The following TM9SF3 variants were observed in gnomAD, a reference collection of about 807,000 sequenced individuals.
The protein encoded by TM9SF3 is SM-11044-binding protein.
Under a neutral mutation model 78.6 loss-of-function variants are expected in TM9SF3, and 14 were observed. That is an observed-to-expected ratio of 0.18 (90% CI 0.12 to 0.28). TM9SF3 has a LOEUF of 0.28. Ranked by LOEUF, TM9SF3 falls within the 10% of genes least tolerant of loss-of-function variation. TM9SF3 has a pLI of 1.00. For missense variants in TM9SF3, 496 were observed against 721.9 expected (o/e 0.69, Z 3.59); for synonymous variants, 231 against 241.7 (o/e 0.96, Z 0.41).
chr10:96,586,997 G>T lies in TM9SF3; in HGVS notation c.-162C>A. On this transcript the variant is annotated 5_prime_UTR_variant, in exon 1 of 15. Transcript: ENST00000371142. ...TGCCTCCTCTGCCGCCGCCGTCGCC[G>T]TCACCGCCCGCTCCTGAGCCTCCCC... 1 of 396,284 alleles carries T rather than the reference G, an allele frequency of 2.5e-6. No homozygotes were observed. Among genetic ancestry groups the T allele is most frequent in the Non-Finnish European group, 3.8e-6 (1 of 262,888 alleles). 24.5% of individuals were successfully genotyped at this position (396,284 alleles called of 1,614,324 possible).
intron 7 of TM9SF3, among the ~76,000 whole-genome samples, chr10:96,550,595 G>A (rs1425314718): frequency 6.6e-6 from 1 of 152,146 alleles, no homozygotes; most frequent in Admixed American, 6.5e-5. Context: ...GCTTTCTTGA[G>A]CACTGAATAG....
chr10:96,520,291 A>G lies in TM9SF3; in HGVS notation c.*1972T>C, dbSNP rs1438769203. The G allele has an allele frequency of 6.6e-6, 1 of 151,844 alleles. No individual in the cohort carries two copies. Among genetic ancestry groups the G allele is most frequent in the Non-Finnish European group, 1.5e-5 (1 of 67,794 alleles). The allele number at this position is 151,844 out of a possible 1,614,324, so 9.4% of individuals were successfully genotyped here. ...GGAAGAGAAAATGGAAGTACCAATA[A>G]ATTATATTTAATATACCATTTTGGC... On this transcript the variant is annotated 3_prime_UTR_variant, in exon 15 of 15. Transcript: ENST00000371142.
chr10:96,581,788 C>T (rs567563156), intron 1 of TM9SF3, among the ~76,000 whole-genome samples: 4 of 152,250 alleles, frequency 2.6e-5, no homozygotes, highest in Admixed American at 1.3e-4. Flanking sequence ...GAAATCACTC[C>T]GTGATATAAT....
At chr10:96,540,769 CTTTTTTTTTTT>C (rs68126103) in intron 9 of TM9SF3, among the ~76,000 whole-genome samples, 4 of 51,310 alleles carry the variant, frequency 7.8e-5, no homozygotes, top group African/African-American at 1.6e-4. Flanking sequence ...TATTACCTTT[CTTTTTTTTTTT>C]TTTTTTTTTT....
At position 96,527,241 on chromosome 10, in the gene TM9SF3, T is replaced by C. The variant is rs767178830; in HGVS notation, c.1674A>G (p.Val558=). 2 of 1,611,566 alleles carry C rather than the reference T, an allele frequency of 1.2e-6. No homozygotes were observed. The highest frequency in any genetic ancestry group is 2.2e-5 in the South Asian group (2 of 90,886). The change falls in exon 14 of 15, where the codon GTA becomes GTG. Residue 558 remains valine, a synonymous_variant. Transcript: ENST00000371142. ...ACATTATCCCCAAGGCTGTGCTAAA[T>C]ACCGCCATATATCCAAAGTAAAATG... ...QTSFYFGYMA[V]FSTALGIMCG...
intron 2 of TM9SF3, among the ~76,000 whole-genome samples, chr10:96,574,272 C>A (rs145167353): frequency 0.014 from 2,069 of 152,230 alleles, 32 homozygotes; most frequent in African/African-American, 0.044. Flanking sequence ...AGAATATGAA[C>A]AGACGCTTCT....
rs1356827895 is a variant in TM9SF3, at chr10:96,527,972, G to A, written c.1541+59C>T. 3 of 1,532,384 alleles carry A rather than the reference G, an allele frequency of 2.0e-6. No homozygotes were observed. The Admixed American group carries it at 5.7e-5, about 29-fold the overall frequency. 94.9% of individuals were successfully genotyped at this position (1,532,384 alleles called of 1,614,324 possible). The stretch of plus-strand genomic sequence containing the variant: ...TTACTCCACTTGATAGATTTCAAAG[G>A]AAATCTTATTTTAAAATATTATGGT... On this transcript the variant is annotated intron_variant, in intron 12 of 14. Coordinates refer to ENST00000371142, the MANE Select transcript of TM9SF3 (RefSeq NM_020123.4).
intron 7 of TM9SF3, among the ~76,000 whole-genome samples, chr10:96,549,402 A>G (rs1052531124): frequency 1.3e-5 from 2 of 152,298 alleles, no homozygotes; most frequent in East Asian, 1.9e-4. Flanking sequence ...GAGTTCTGGA[A>G]TAAGATTGCC....
chr10:96,586,763 G>C lies in TM9SF3; in HGVS notation c.73C>G (p.Arg25Gly), dbSNP rs745949519. Residue 25 changes from arginine to glycine, a missense_variant, in exon 1 of 15, where the codon CGG becomes GGG. Transcript: ENST00000371142. ...TGTTCGTGCTCGTCCGCCCGGGTCC[G>C]GGGCAGCAGCAGCAGCAGCAGCCAC... is the stretch of plus-strand genomic sequence containing the variant. The part of the protein sequence containing the change: ...ALWLLLLLLP[R>G]TRADEHEHTY... 1.2e-3 allele frequency: 1,519 copies of C among 1,286,034 alleles called. 3 individuals are homozygous for C. Among genetic ancestry groups the C allele is most frequent in the Non-Finnish European group, 1.5e-3 (1,474 of 1,016,292 alleles). 79.7% of individuals were successfully genotyped at this position (1,286,034 alleles called of 1,614,324 possible). A position where few individuals can be genotyped will look rare whatever the true frequency, so the allele number is the denominator to read the frequency against.
At chr10:96,540,769 C>CTTTTTTTTTTT (rs68126103) in intron 9 of TM9SF3, among the ~76,000 whole-genome samples, 18 of 51,326 alleles carry the variant, frequency 3.5e-4, no homozygotes, top group Admixed American at 6.4e-4. Context: ...TATTACCTTT[C>CTTTTTTTTTTT]TTTTTTTTTT....
intron 1 of TM9SF3, among the ~76,000 whole-genome samples, chr10:96,578,904 T>C (rs1848528904): frequency 6.6e-6 from 1 of 152,202 alleles, no homozygotes; most frequent in African/African-American, 2.4e-5. Flanking sequence ...GGTGAAACCC[T>C]GTCTCTACTT....
intron 14 of TM9SF3, among the ~76,000 whole-genome samples, chr10:96,525,781 A>G (rs548557452): frequency 2.0e-5 from 3 of 152,206 alleles, no homozygotes; most frequent in African/African-American, 7.2e-5. Context: ...CAAGTAAAAC[A>G]CATCATTCCT....
chr10:96,583,886 T>C (rs1252928391), intron 1 of TM9SF3, among the ~76,000 whole-genome samples: 1 of 151,966 alleles, frequency 6.6e-6, no homozygotes, highest in East Asian at 1.9e-4. Context: ...ATACACAAAT[T>C]AGCCAGGCAT....
chr10:96,544,683 A>G (rs1295787809), intron 8 of TM9SF3, among the ~76,000 whole-genome samples: 1 of 152,174 alleles, frequency 6.6e-6, no homozygotes, highest in East Asian at 1.9e-4. Context: ...ACAGTTACAC[A>G]TTGGAGTTTC....
At chr10:96,546,616 C>T (rs563662456) in intron 8 of TM9SF3, among the ~76,000 whole-genome samples, 2 of 152,062 alleles carry the variant, frequency 1.3e-5, no homozygotes, top group Non-Finnish European at 2.9e-5. Flanking sequence ...ACCTGCGAGT[C>T]GAATTTAGAG....
intron 1 of TM9SF3, among the ~76,000 whole-genome samples, chr10:96,581,610 C>T (rs1038658129): frequency 2.6e-5 from 4 of 152,214 alleles, no homozygotes; most frequent in South Asian, 2.1e-4. Context: ...AATAGGACAA[C>T]GAATTACGGC....
In TM9SF3 at chr10:96,586,895, T is replaced by TCCTC. The variant is rs1848640967; in HGVS notation, c.-61_-60insGAGG. Reference sequence around the variant, plus strand: ...GACTCCTCCTCCCGCCGCCGCCTCCTCCGCCGCCGCCGCCTCCGCCGCGGC... The same window carrying TCCTC: ...GACTCCTCCTCCCGCCGCCGCCTCCTCCTCCCGCCGCCGCCGCCTCCGCCGCGGC... On this transcript the variant is annotated 5_prime_UTR_variant, in exon 1 of 15. It removes the in-frame stop codon of an upstream open reading frame in the 5' UTR. Transcript: ENST00000371142. 1.8e-6 allele frequency: 2 copies of TCCTC among 1,140,320 alleles called. No homozygotes were observed. The highest frequency in any genetic ancestry group is 4.2e-5 in the South Asian group (1 of 23,542). 70.6% of individuals were successfully genotyped at this position (1,140,320 alleles called of 1,614,324 possible).
chr10:96,536,350 C>A (rs112054813), intron 9 of TM9SF3, among the ~76,000 whole-genome samples: 1,556 of 151,884 alleles, frequency 0.01, 31 homozygotes, highest in African/African-American at 0.035. Flanking sequence ...ACATACAGAT[C>A]AAAAAAGAGA....
intron 5 of TM9SF3, among the ~76,000 whole-genome samples, chr10:96,558,178 C>T (rs997266241): frequency 6.6e-6 from 1 of 152,124 alleles, no homozygotes; most frequent in Non-Finnish European, 1.5e-5. Context: ...CAGTTAAGAG[C>T]CTTCATATTC....
Sources: gnomAD v4.1 joint callset for allele counts (sites outside exome capture counted in the v4.1 genomes callset) on GRCh38, gnomAD v4.1.1 for gene constraint, MANE v1.5 for transcripts, NCBI Gene and HGNC (gene_info 2026-07-23, HGNC 2026-07-21) for gene names.